Variants in CSNK2A1 observed in about 807,000 individuals in gnomAD.
CSNK2A1 encodes the protein casein kinase 2 alpha 1, also known as casein kinase II subunit alpha.
In CSNK2A1, 10 loss-of-function variants were observed where a neutral mutation model predicts 62.9. That is an observed-to-expected ratio of 0.16 (90% CI 0.10 to 0.27). The LOEUF (loss-of-function observed/expected upper bound fraction) is 0.27, where lower values mean the gene tolerates loss of function less well. Among genes scored for constraint, CSNK2A1 ranks in the 10% least tolerant of loss-of-function variants. CSNK2A1 has a pLI of 1.00. For missense variants in CSNK2A1, 160 were observed against 492.0 expected (o/e 0.33, Z 6.38); for synonymous variants, 124 against 167.8 (o/e 0.74, Z 2.02).
rs577564912 is a variant in CSNK2A1, at chr20:484,690, GTT to G, written c.1061-616_1061-615del. 1.2e-3 allele frequency among the ~76,000 whole-genome samples: 162 copies of G among 134,024 alleles called. 1 individual carries two copies. In the South Asian group the frequency reaches 0.013, roughly 10 times the overall value. 87.9% of individuals were successfully genotyped at this position (134,024 alleles called of 152,430 possible). A position where few individuals can be genotyped will look rare whatever the true frequency, so the allele number is the denominator to read the frequency against. On this transcript the variant is annotated intron_variant, in intron 13 of 13. Coordinates refer to ENST00000217244, the MANE Select transcript of CSNK2A1 (RefSeq NM_177559.3). ...TGATTTCTTCCACCTCTCTAATCATGTTTTTGTGTGTGTGTGTGTGTGTGTGT... is the reference window on the plus strand; with the variant it reads ...TGATTTCTTCCACCTCTCTAATCATGTTTGTGTGTGTGTGTGTGTGTGTGT...
In CSNK2A1 at chr20:518,933, CT is replaced by C. The variant is rs796982756; in HGVS notation, c.-110+8999del. 7.5e-3 allele frequency among the ~76,000 whole-genome samples: 924 copies of C among 123,708 alleles called. 7 individuals are homozygous for C. Among genetic ancestry groups the C allele is most frequent in the African/African-American group, 0.017 (560 of 33,666 alleles). 81.2% of individuals were successfully genotyped at this position (123,708 alleles called of 152,430 possible). A position where few individuals can be genotyped will look rare whatever the true frequency, so the allele number is the denominator to read the frequency against. On this transcript the variant is annotated intron_variant, in intron 2 of 13. Transcript: ENST00000217244. ...AAATATAGTGAAATCGTTGGATATACTTTTTTTTTTTTTTTTTTTTGCCACA... is the reference window on the plus strand; with the variant it reads ...AAATATAGTGAAATCGTTGGATATACTTTTTTTTTTTTTTTTTTTGCCACA...
chr20:509,767 G>A (rs2018677254), intron 2 of CSNK2A1, among the ~76,000 whole-genome samples: 1 of 152,114 alleles, frequency 6.6e-6, no homozygotes, highest in Admixed American at 6.5e-5. Flanking sequence ...AGTAGAGACG[G>A]TGTTTCACCA....
chr20:538,092 G>A (rs1365014125), intron 1 of CSNK2A1, among the ~76,000 whole-genome samples: 1 of 151,740 alleles, frequency 6.6e-6, no homozygotes, highest in Non-Finnish European at 1.5e-5. Context: ...CTGAGTAGCT[G>A]GGACCACAGG....
rs952517940 is a variant in CSNK2A1 at position 499,751 on chromosome 20, G to A, written c.315+82C>T. On this transcript the variant is annotated intron_variant, in intron 5 of 13. Transcript: ENST00000217244. The surrounding 1 kb of genome is among the most constrained non-coding windows in gnomAD (Gnocchi z 4.2). ...GGACTTAATGATGAGGGTTGGGGGAGGGAACAAAAAGAGGCCAGTTGTGCT... is the reference window on the plus strand; with the variant it reads ...GGACTTAATGATGAGGGTTGGGGGAAGGAACAAAAAGAGGCCAGTTGTGCT... 25 of 1,289,084 alleles carry A rather than the reference G, an allele frequency of 1.9e-5. No homozygotes were observed. Among genetic ancestry groups the A allele is most frequent in the Non-Finnish European group, 2.7e-5 (24 of 891,350 alleles). 79.9% of individuals were successfully genotyped at this position (1,289,084 alleles called of 1,614,324 possible). A position where few individuals can be genotyped will look rare whatever the true frequency, so the allele number is the denominator to read the frequency against.
At position 499,818 on chromosome 20, in the gene CSNK2A1, AC is replaced by A; in HGVS notation, c.315+14del. 1 of 1,612,584 alleles carries A rather than the reference AC, an allele frequency of 6.2e-7. No individual in the cohort carries two copies. The highest frequency in any genetic ancestry group is 1.3e-5 in the African/African-American group (1 of 74,956). ...CTCAGCTCTGGCGGGCCTTGCTAAC[AC>A]CTACTATACTCACCACAGGGTCTTT... is the stretch of plus-strand genomic sequence containing the variant. On this transcript the variant is annotated intron_variant, in intron 5 of 13. Transcript: ENST00000217244. The surrounding 1 kb of genome is among the most constrained non-coding windows in gnomAD (Gnocchi z 4.2).
chr20:487,336 T>C (rs1402421527), intron 12 of CSNK2A1, 91 bp downstream of exon 12: 19 of 1,567,778 alleles, frequency 1.2e-5, no homozygotes, highest in Non-Finnish European at 1.7e-6. Context: ...TGAATTAACT[T>C]TGCAGCAAGC....
Position 483,976 on chromosome 20 carries a change from A to C in CSNK2A1, c.1161T>G (p.Ala387=). Residue 387 remains alanine, a synonymous_variant, in exon 14 of 14, where the codon GCT becomes GCG. Coordinates refer to ENST00000217244, the MANE Select transcript of CSNK2A1 (RefSeq NM_177559.3). ...GATAGGGCCGTTACTGCTGAGCGCC[A>C]GCGGCAGCTGGAACAGGCATCCCAA... The part of the protein sequence containing the change: ...NPLGMPVPAA[A]GAQQ 6.2e-7 allele frequency: 1 copy of C among 1,612,170 alleles called. No homozygotes were observed. Among genetic ancestry groups the C allele is most frequent in the Non-Finnish European group, 8.5e-7 (1 of 1,179,196 alleles).
intron 1 of CSNK2A1, among the ~76,000 whole-genome samples, chr20:536,943 A>G (rs553987602): frequency 6.6e-6 from 1 of 152,308 alleles, no homozygotes; most frequent in East Asian, 1.9e-4. Context: ...ATTTCTGGAT[A>G]TGACATGATA....
chr20:476,127 A>G lies in CSNK2A1; in HGVS notation c.*7834T>C, dbSNP rs929102979. On this transcript the variant is annotated 3_prime_UTR_variant, in exon 14 of 14. Transcript: ENST00000217244. ...AATTGAGCCAGGAGACAGGGTTCTG[A>G]TCCCAGGCATGGGCCTTGGCAGCTG... 2.0e-5 allele frequency: 3 copies of G among 152,414 alleles called. No individual in the cohort carries two copies. Among genetic ancestry groups the G allele is most frequent in the Admixed American group, 6.5e-5 (1 of 15,278 alleles). The allele number at this position is 152,414 out of a possible 1,614,324, so 9.4% of individuals were successfully genotyped here. A position where few individuals can be genotyped will look rare whatever the true frequency, so the allele number is the denominator to read the frequency against.
In CSNK2A1 at chr20:475,111, G is replaced by T. The variant is rs2017821400; in HGVS notation, c.*8850C>A. Reference sequence around the variant, plus strand: ...TATAGTGGAATGTTGTGTTGTTTCTGGCCATGGAGTCTCAAAGACTGATTC... The same window carrying T: ...TATAGTGGAATGTTGTGTTGTTTCTTGCCATGGAGTCTCAAAGACTGATTC... On this transcript the variant is annotated 3_prime_UTR_variant, in exon 14 of 14. Coordinates refer to ENST00000217244, the MANE Select transcript of CSNK2A1 (RefSeq NM_177559.3). 1.3e-5 allele frequency: 2 copies of T among 152,124 alleles called. No individual in the cohort carries two copies. Among genetic ancestry groups the T allele is most frequent in the Non-Finnish European group, 2.9e-5 (2 of 68,010 alleles). 9.4% of individuals were successfully genotyped at this position (152,124 alleles called of 1,614,324 possible).
chr20:484,896 ATCTC>A (rs1600366556), intron 13 of CSNK2A1, among the ~76,000 whole-genome samples: 1 of 150,388 alleles, frequency 6.6e-6, no homozygotes, highest in East Asian at 2.0e-4. Flanking sequence ...GTGAAACCCC[ATCTC>A]TACTAAAAAT....
At position 488,456 on chromosome 20, in the gene CSNK2A1, C is replaced by T. The variant is rs2122509066; in HGVS notation, c.824+222G>A. On this transcript the variant is annotated intron_variant, in intron 11 of 13. Coordinates refer to ENST00000217244, the MANE Select transcript of CSNK2A1 (RefSeq NM_177559.3). Reference sequence around the variant, plus strand: ...CATTCATTTTGTAGGAATCCTCTAGCTATAACCCCTCCATCAGACTCCTGT... The same window carrying T: ...CATTCATTTTGTAGGAATCCTCTAGTTATAACCCCTCCATCAGACTCCTGT... 4 of 468,212 alleles carry T rather than the reference C, an allele frequency of 8.5e-6. No homozygotes were observed. The East Asian group carries it at 1.5e-4, about 18-fold the overall frequency. 29.0% of individuals were successfully genotyped at this position (468,212 alleles called of 1,614,324 possible). A position where few individuals can be genotyped will look rare whatever the true frequency, so the allele number is the denominator to read the frequency against.
chr20:500,576 T>A (rs1311568325), intron 4 of CSNK2A1: 11 of 152,564 alleles, frequency 7.2e-5, no homozygotes, highest in Admixed American at 7.2e-4. Context: ...TTCGAAAGAT[T>A]TCGGAATATG....
intron 1 of CSNK2A1, among the ~76,000 whole-genome samples, chr20:538,538 C>A (rs2019381691): frequency 6.6e-6 from 1 of 152,136 alleles, no homozygotes; most frequent in Non-Finnish European, 1.5e-5. Flanking sequence ...TTTTATGAAT[C>A]CAATTAATAG....
chr20:534,350 G>C (rs1188721990), intron 1 of CSNK2A1, among the ~76,000 whole-genome samples: 2 of 152,204 alleles, frequency 1.3e-5, no homozygotes, highest in Non-Finnish European at 2.9e-5. Context: ...GGCAAGGTAG[G>C]GGTGGGATAC....
chr20:490,335 C>CTTTTTTTTTTTTTTTTTTTTTTTTTTT (rs907727482), intron 9 of CSNK2A1, among the ~76,000 whole-genome samples: 2 of 84,796 alleles, frequency 2.4e-5, no homozygotes, highest in African/African-American at 1.1e-4. Context: ...CTAGTTTTTT[C>CTTTTTTTTTTTTTTTTTTTTTTTTTTT]TTTTTTTTTT....
intron 6 of CSNK2A1, chr20:498,740 T>C (rs2018397359): frequency 6.6e-6 from 1 of 152,194 alleles, no homozygotes; most frequent in African/African-American, 2.4e-5. Flanking sequence ...CTGTGTGAAA[T>C]AAGTAGGCCA....
chr20:538,680 A>G (rs188605311), intron 1 of CSNK2A1, among the ~76,000 whole-genome samples: 18 of 152,340 alleles, frequency 1.2e-4, no homozygotes, highest in Admixed American at 7.2e-4. Flanking sequence ...AGATCTTACA[A>G]GTTTGAGCTG....
intron 2 of CSNK2A1, among the ~76,000 whole-genome samples, chr20:518,331 T>C (rs1046287792): frequency 2.6e-5 from 4 of 152,244 alleles, no homozygotes; most frequent in Middle Eastern, 3.4e-3. Context: ...AAGGTGGGAC[T>C]TCAGAGGCAT....
Sources: gnomAD v4.1 joint callset for allele counts (sites outside exome capture counted in the v4.1 genomes callset) on GRCh38, gnomAD v4.1.1 for gene constraint, Gnocchi (gnomAD v3.1) non-coding constraint, MANE v1.5 for transcripts, NCBI Gene and HGNC (gene_info 2026-07-23, HGNC 2026-07-21) for gene names.